RIPOR3: variants seen among roughly 807,000 people sequenced by gnomAD.
RIPOR3 encodes the protein family with sequence similarity 65 member C.
RIPOR3 carries 95 observed loss-of-function variants against 114.3 expected under a neutral mutation model. The observed-to-expected ratio is 0.83, with a 90% CI of 0.70 to 0.99. The LOEUF (loss-of-function observed/expected upper bound fraction) is 0.99, where lower values mean the gene tolerates loss of function less well. RIPOR3 is among the 50% of genes least tolerant of loss of function. The pLI is 0.00. For missense variants in RIPOR3, 1,252 were observed against 1,266.9 expected (o/e 0.99, Z 0.18); for synonymous variants, 575 against 543.8 (o/e 1.06, Z -0.80).
intron 1 of RIPOR3, chr20:50,636,760 C>G (rs1600648421): frequency 1.0e-6 from 1 of 985,540 alleles, no homozygotes; most frequent in Non-Finnish European, 1.2e-6. Context: ...CTGGAGGAAG[C>G]AGAGTCTACT....
chr20:50,611,838 T>C (rs1010749178), intron 4 of RIPOR3, among the ~76,000 whole-genome samples: 1 of 152,114 alleles, frequency 6.6e-6, no homozygotes, highest in African/African-American at 2.4e-5. Flanking sequence ...AGTAGGACCA[T>C]CCTGGCCAGG....
At chr20:50,651,064 C>T (rs1195476592) in intron 1 of RIPOR3, among the ~76,000 whole-genome samples, 2 of 152,034 alleles carry the variant, frequency 1.3e-5, no homozygotes, top group African/African-American at 4.8e-5. Context: ...CTCTGCCTCC[C>T]GGGTTCAAGC....
intron 1 of RIPOR3, among the ~76,000 whole-genome samples, chr20:50,681,269 G>A (rs2086852106): frequency 1.8e-5 from 1 of 56,810 alleles, no homozygotes; most frequent in Admixed American, 2.9e-4. Context: ...AAACAATAAG[G>A]CACTAGAAAA....
intron 1 of RIPOR3, among the ~76,000 whole-genome samples, chr20:50,663,086 G>T (rs1441312444): frequency 7.8e-6 from 1 of 128,414 alleles, no homozygotes; most frequent in East Asian, 2.3e-4. Flanking sequence ...GACAGAGAGA[G>T]ACTGTCTCAA....
At chr20:50,636,632 T>G in intron 1 of RIPOR3, 2 of 985,612 alleles carry the variant, frequency 2.0e-6, no homozygotes, top group Non-Finnish European at 2.4e-6. Context: ...TCGCTGCCTC[T>G]CTCTGGCCTG....
At position 50,592,352 on chromosome 20, in the gene RIPOR3, G is replaced by A. The variant is rs371046060; in HGVS notation, c.2569C>T (p.Arg857Trp). ...TGCCCTGGACAACGTACCTTTTCCC[G>A]GAAGCTTCTGTTCCTGACTGCACCA... ...LAGAVRNRSF[R>W]EKALLFYTNA... Residue 857 changes from arginine (R) to tryptophan (W), a missense_variant, in exon 19 of 22, where the codon CGG becomes TGG. By Grantham distance (101) the Arg-to-Trp change is moderately radical (BLOSUM62 -3). Coordinates refer to ENST00000327979, the MANE Select transcript of RIPOR3 (RefSeq NM_001290268.2). 109 of 1,569,752 alleles carry A rather than the reference G, an allele frequency of 6.9e-5. 1 individual carries two copies. The highest frequency in any genetic ancestry group is 2.5e-4 in the South Asian group (22 of 86,518).
chr20:50,667,288 T>A (rs1163803925), intron 1 of RIPOR3, among the ~76,000 whole-genome samples: 2 of 10,328 alleles, frequency 1.9e-4, no homozygotes, highest in Non-Finnish European at 4.8e-4. Context: ...TTAAACTACT[T>A]TTTTTTTTTT....
chr20:50,587,954 A>T, intron 20 of RIPOR3, 62 bp from the exon 21 acceptor site: 26 of 1,518,030 alleles, frequency 1.7e-5, no homozygotes, highest in Non-Finnish European at 2.2e-5. Context: ...GGTAGAGTCC[A>T]CTTAGTGGCC....
chr20:50,670,112 G>A (rs2086413906), intron 1 of RIPOR3, among the ~76,000 whole-genome samples: 1 of 141,794 alleles, frequency 7.1e-6, no homozygotes, highest in Non-Finnish European at 1.5e-5. Flanking sequence ...AGCTGAGATC[G>A]CACCATTGCA....
intron 1 of RIPOR3, among the ~76,000 whole-genome samples, chr20:50,665,158 C>T (rs560832448): frequency 5.8e-4 from 88 of 151,072 alleles, no homozygotes; most frequent in African/African-American, 2.1e-3. Flanking sequence ...TGGTGCTGGC[C>T]GGGTGCGGTG....
At chr20:50,592,180 T>C (rs1568815545) in intron 19 of RIPOR3, among the ~76,000 whole-genome samples, 164 bp downstream of exon 19, 1 of 152,180 alleles carries the variant, frequency 6.6e-6, no homozygotes, top group African/African-American at 2.4e-5. Context: ...AGCAGCAAGG[T>C]GCATTCATGT....
intron 2 of RIPOR3, among the ~76,000 whole-genome samples, chr20:50,626,936 C>T (rs2084640693): frequency 6.6e-6 from 1 of 151,630 alleles, no homozygotes; most frequent in African/African-American, 2.4e-5. Context: ...ATCACTTGAA[C>T]CCGGCAAGTG....
rs915099629 is a variant in RIPOR3, at chr20:50,654,444, T to G, written c.4-23588A>C. On this transcript the variant is annotated intron_variant, in intron 1 of 21. Coordinates refer to ENST00000327979, the MANE Select transcript of RIPOR3 (RefSeq NM_001290268.2). ...AGAGTTTTTTTTTTTTTTTTTTTTT[T>G]TTTTGAGATGGAGGCTTGCTCTGTC... Among the ~76,000 whole-genome samples the G allele has an allele frequency of 1.0e-3, 145 of 142,970 alleles. 3 individuals carry two copies. The highest frequency in any genetic ancestry group is 3.6e-3 in the African/African-American group (139 of 38,806). 93.8% of individuals were successfully genotyped at this position (142,970 alleles called of 152,430 possible).
At chr20:50,615,573 C>T (rs943045893) in intron 4 of RIPOR3, among the ~76,000 whole-genome samples, 11 of 147,470 alleles carry the variant, frequency 7.5e-5, no homozygotes, top group East Asian at 2.0e-4. Flanking sequence ...TGGCAGGAAA[C>T]GCTGCCTGTC....
chr20:50,587,010 G>A lies in RIPOR3; in HGVS notation c.*222C>T, dbSNP rs1465925792. 2 of 540,966 alleles carry A rather than the reference G, an allele frequency of 3.7e-6. No homozygotes were observed. The highest frequency in any genetic ancestry group is 1.9e-5 in the African/African-American group (1 of 52,822). 33.5% of individuals were successfully genotyped at this position (540,966 alleles called of 1,614,324 possible). On this transcript the variant is annotated 3_prime_UTR_variant, in exon 22 of 22. Coordinates refer to ENST00000327979, the MANE Select transcript of RIPOR3 (RefSeq NM_001290268.2). ...TTGAGCGCTCTGTTGAGGCCGTGCAGCCCCTGGAATGCTGTACCTTTGCCT... is the reference window on the plus strand; with the variant it reads ...TTGAGCGCTCTGTTGAGGCCGTGCAACCCCTGGAATGCTGTACCTTTGCCT...
At chr20:50,680,301 G>A (rs1243279690) in intron 1 of RIPOR3, among the ~76,000 whole-genome samples, 6 of 152,232 alleles carry the variant, frequency 3.9e-5, no homozygotes, top group Non-Finnish European at 7.3e-5. Flanking sequence ...TCATGACAAG[G>A]AAAACTAAAT....
chr20:50,666,169 G>A (rs1172991744), intron 1 of RIPOR3, among the ~76,000 whole-genome samples: 1 of 36,304 alleles, frequency 2.8e-5, no homozygotes, highest in Non-Finnish European at 9.1e-5. Context: ...CTAGAATACA[G>A]AGAAAGGACA....
chr20:50,671,912 A>AGATGGATG (rs145609490), intron 1 of RIPOR3, among the ~76,000 whole-genome samples: 86 of 142,840 alleles, frequency 6.0e-4, no homozygotes, highest in African/African-American at 2.3e-3. Context: ...AAGGAAGAAA[A>AGATGGATG]GATGGATGGA....
At position 50,602,228 on chromosome 20, in the gene RIPOR3, G is replaced by A. The variant is rs545997871; in HGVS notation, c.1503C>T (p.His501=). Residue 501 remains histidine, a synonymous_variant, in exon 13 of 22, where the codon CAC becomes CAT. Transcript: ENST00000327979. This position sits in a 1 kb window ranked among gnomAD's most constrained non-coding sequence, Gnocchi z 4.3. ...CTCTGTCCCCGGTTGCCCCTTCCTC[G>A]TGGCCGTTCTGGCTACTCGAGGCTG... The part of the protein sequence containing the change: ...SGTASSSQNG[H]EEGATGDRED... The A allele has an allele frequency of 6.8e-6, 11 of 1,613,836 alleles. No individual in the cohort carries two copies. The highest frequency in any genetic ancestry group is 3.3e-5 in the South Asian group (3 of 91,062).
Sources: allele counts gnomAD v4.1 joint callset (sites outside exome capture counted in the v4.1 genomes callset), GRCh38; gene constraint gnomAD v4.1.1; non-coding constraint Gnocchi (gnomAD v3.1); transcripts MANE v1.5; gene names NCBI Gene and HGNC (gene_info 2026-07-23, HGNC 2026-07-21).